HCCS: variants seen among roughly 807,000 people sequenced by gnomAD.
HCCS encodes the protein holocytochrome c synthase.
In HCCS, 2 loss-of-function variants were observed where a neutral mutation model predicts 24.2. The observed-to-expected ratio is 0.08, with a 90% CI of 0.03 to 0.26. HCCS has a LOEUF of 0.26. Among genes scored for constraint, HCCS ranks in the 10% least tolerant of loss-of-function variants. The probability of loss-of-function intolerance (pLI) is 1.00; values close to 1 mark genes in which losing one functional copy is unlikely to be tolerated. For synonymous variants in HCCS, 73 were observed against 76.2 expected, an observed-to-expected ratio of 0.96 and a Z score of 0.22; for missense variants, 150 against 213.3, an observed-to-expected ratio of 0.70 and a Z score of 1.85.
At chrX:11,112,277 G>A in intron 2 of HCCS, 117 bp downstream of exon 2, 1 of 541,637 alleles carries the variant, frequency 1.8e-6, no homozygotes, top group Non-Finnish European at 3.2e-6. Flanking sequence ...TTGAGCTCAG[G>A]ACTTCGAGAC....
At chrX:11,111,731 C>G (rs761769679) in intron 1 of HCCS, among the ~76,000 whole-genome samples, 1 of 112,309 alleles carries the variant, frequency 8.9e-6, no homozygotes, top group South Asian at 3.7e-4. Flanking sequence ...CGCCCCACTC[C>G]CGCCTCAGGC....
At chrX:11,121,464 T>A (rs2045491196) in intron 6 of HCCS, 148 bp from the exon 7 acceptor site, 1 of 514,143 alleles carries the variant, frequency 1.9e-6, no homozygotes, top group Admixed American at 2.7e-5. Flanking sequence ...CTTAGTGCTG[T>A]TCACTGTGTA....
intron 4 of HCCS, among the ~76,000 whole-genome samples, chrX:11,117,719 G>A (rs532618811): frequency 2.7e-5 from 3 of 111,800 alleles, no homozygotes; most frequent in Admixed American, 9.5e-5. Context: ...CCCAAGATCT[G>A]TAGTCAGCAA....
Position 11,120,774 on chromosome X carries a change from C to A in HCCS, c.522-133C>A, listed in dbSNP as rs1478584661. 5.3e-6 allele frequency: 3 copies of A among 566,178 alleles called. No homozygotes were observed. The Admixed American group carries it at 7.3e-5, about 14-fold the overall frequency. 46.7% of individuals were successfully genotyped at this position (566,178 alleles called of 1,213,427 possible). ...GTTGTTTGAATTATTTTAGAACTTA[C>A]CTTTCTCTGTAAATGTTATATTATG... is the stretch of plus-strand genomic sequence containing the variant. On this transcript the variant is annotated intron_variant, in intron 5 of 6. Coordinates refer to ENST00000380762, the MANE Select transcript of HCCS (RefSeq NM_005333.5).
Position 11,117,274 on chromosome X carries a change from C to T in HCCS, c.260C>T (p.Pro87Leu). The T allele has an allele frequency of 4.1e-6, 5 of 1,209,105 alleles. No individual in the cohort carries two copies. Among genetic ancestry groups the T allele is most frequent in the African/African-American group, 1.7e-5 (1 of 57,711 alleles). ...ENLDPSNLMP[P>L]PNQTPAPDQP... ...TCTGTTCATTTTATTTAGATGCCAC[C>T]ACCAAATCAAACACCAGCTCCAGAT... The change falls in exon 4 of 7, where the codon CCA (proline) becomes CTA (leucine). Residue 87 changes from proline to leucine, a missense_variant. Pro to Leu is a moderately conservative substitution (Grantham distance 98). This residue lies in a region of HCCS where 95 missense variants were observed against 79.1 expected (regional missense o/e 1.20). Coordinates refer to ENST00000380762, the MANE Select transcript of HCCS (RefSeq NM_005333.5).
chrX:11,114,520 A>T (rs751149440), intron 2 of HCCS, among the ~76,000 whole-genome samples: 1 of 112,466 alleles, frequency 8.9e-6, no homozygotes, highest in East Asian at 2.8e-4. Context: ...CAGCCAGGTT[A>T]CTCAAACCAT....
At position 11,117,255 on chromosome X, in the gene HCCS, C is replaced by T. The variant is rs865933551; in HGVS notation, c.253-12C>T. ...TATATCCTATAAAAGCAAATCTGTT[C>T]ATTTTATTTAGATGCCACCACCAAA... is the stretch of plus-strand genomic sequence containing the variant. On this transcript the variant is annotated splice_polypyrimidine_tract_variant and intron_variant, in intron 3 of 6. Transcript: ENST00000380762. 5 of 1,203,999 alleles carry T rather than the reference C, an allele frequency of 4.2e-6. No homozygotes were observed. In the South Asian group the frequency reaches 7.0e-5, roughly 17 times the overall value.
chrX:11,113,973 G>C (rs971834501), intron 2 of HCCS, among the ~76,000 whole-genome samples: 2 of 112,217 alleles, frequency 1.8e-5, no homozygotes, highest in Non-Finnish European at 3.8e-5. Context: ...CTGAGGCCAA[G>C]ATTCCATTAC....
intron 4 of HCCS, 36 bp downstream of exon 4, chrX:11,117,451 G>A (rs2045457227): frequency 8.9e-7 from 1 of 1,122,865 alleles, no homozygotes; most frequent in African/African-American, 1.8e-5. Flanking sequence ...AAAATTTCTT[G>A]TCAGAATATC....
At position 11,120,957 on chromosome X, in the gene HCCS, A is replaced by T. The variant is rs765741659; in HGVS notation, c.572A>T (p.Glu191Val). ...SLIRFGGKAK[E>V]YSPRARIRSW... ...ATCCGGTTTGGAGGGAAAGCAAAAG[A>T]GTATTCACCAAGGGCACGAATTCGT... The change falls in exon 6 of 7, where the codon GAG (glutamate) becomes GTG (valine). Residue 191 changes from glutamate to valine, a missense_variant. Coordinates refer to ENST00000380762, the MANE Select transcript of HCCS (RefSeq NM_005333.5). 9.1e-6 allele frequency: 11 copies of T among 1,208,658 alleles called. No individual in the cohort carries two copies. The East Asian group carries it at 2.7e-4, about 29-fold the overall frequency.
intron 4 of HCCS, 200 bp from the exon 5 acceptor site, chrX:11,118,301 C>T: frequency 2.1e-6 from 1 of 479,025 alleles, no homozygotes; most frequent in Non-Finnish European, 3.8e-6. Flanking sequence ...TCTATAGTAG[C>T]TTTGGATTTA....
intron 3 of HCCS, among the ~76,000 whole-genome samples, chrX:11,116,960 A>T (rs1171155329): frequency 8.9e-6 from 1 of 112,713 alleles, no homozygotes; most frequent in African/African-American, 3.2e-5. Flanking sequence ...ATGCCTGAAG[A>T]TCGTGGCGTT....
chrX:11,111,803 C>T (rs2045410286), intron 1 of HCCS, among the ~76,000 whole-genome samples: 1 of 112,419 alleles, frequency 8.9e-6, no homozygotes, highest in South Asian at 3.7e-4. Flanking sequence ...CCAAAATCCT[C>T]ACTGCCTTAG....
intron 5 of HCCS, among the ~76,000 whole-genome samples, chrX:11,119,596 A>G (rs1465321515): frequency 8.9e-6 from 1 of 112,645 alleles, no homozygotes; most frequent in Non-Finnish European, 1.9e-5. Context: ...TTTCTTGGCT[A>G]AAGTCCACTT....
chrX:11,121,582 T>C, intron 6 of HCCS, 30 bp from the exon 7 acceptor site: 1 of 1,151,654 alleles, frequency 8.7e-7, no homozygotes, highest in South Asian at 1.8e-5. Context: ...TGCAAGCATT[T>C]TAACACTCAG....
intron 6 of HCCS, among the ~76,000 whole-genome samples, chrX:11,121,382 G>T (rs958461690): frequency 8.9e-6 from 1 of 112,045 alleles, no homozygotes; most frequent in Non-Finnish European, 1.9e-5. Context: ...TTCCCCATTG[G>T]CCTTATTCCT....
chrX:11,114,756 C>T, intron 2 of HCCS, 79 bp from the exon 3 acceptor site: 1 of 900,607 alleles, frequency 1.1e-6, no homozygotes, highest in African/African-American at 1.9e-5. Context: ...GTCAGAAATT[C>T]AGCTCTTTAG....
In HCCS at chrX:11,122,731, C is replaced by G. The variant is rs768677824; in HGVS notation, c.*921C>G. The G allele has an allele frequency of 8.9e-6, 1 of 112,242 alleles. No individual in the cohort carries two copies. Among genetic ancestry groups the G allele is most frequent in the Non-Finnish European group, 1.9e-5 (1 of 53,229 alleles). 9.3% of individuals were successfully genotyped at this position (112,242 alleles called of 1,213,427 possible). ...AATTCACAAGATGAGCATTTTTTTCCCAGATGGAGAACGCTTCAACTCAGT... is the reference window on the plus strand; with the variant it reads ...AATTCACAAGATGAGCATTTTTTTCGCAGATGGAGAACGCTTCAACTCAGT... On this transcript the variant is annotated 3_prime_UTR_variant, in exon 7 of 7. Transcript: ENST00000380762.
chrX:11,113,803 G>C (rs2045429725), intron 2 of HCCS, among the ~76,000 whole-genome samples: 1 of 112,370 alleles, frequency 8.9e-6, no homozygotes, highest in African/African-American at 3.2e-5. Flanking sequence ...GGTGCTTTCA[G>C]TGGTAGAGAG....
Sources: gnomAD v4.1 joint callset for allele counts (sites outside exome capture counted in the v4.1 genomes callset) on GRCh38, gnomAD v4.1.1 for gene constraint, gnomAD v4.1.1 regional missense constraint, MANE v1.5 for transcripts, NCBI Gene and HGNC (gene_info 2026-07-23, HGNC 2026-07-21) for gene names.